CDH18: variants seen among roughly 807,000 people sequenced by gnomAD.
CDH18 encodes cadherin-18.
CDH18 carries 31 observed loss-of-function variants against 67.9 expected under a neutral mutation model. The observed-to-expected ratio is 0.46, with a 90% confidence interval of 0.34 to 0.62. The LOEUF is 0.62. CDH18 is among the 20% of genes least tolerant of loss of function. The probability of loss-of-function intolerance (pLI) is 0.01; values close to 1 mark genes in which losing one functional copy is unlikely to be tolerated. For synonymous variants in CDH18, 362 were observed against 347.2 expected, an observed-to-expected ratio of 1.04 and a Z score of -0.48; for missense variants, 890 against 975.5, an observed-to-expected ratio of 0.91 and a Z score of 1.17.
At chr5:20,185,401 T>C (rs1488819723) in intron 2 of CDH18, among the ~76,000 whole-genome samples, 1 of 152,068 alleles carries the variant, frequency 6.6e-6, no homozygotes, top group East Asian at 1.9e-4. Context: ...ACTTATATTA[T>C]GCCACTCTTG....
At chr5:20,301,789 C>CTTTTTTTTTTTTT (rs59276117) in intron 1 of CDH18, among the ~76,000 whole-genome samples, 21 of 128,132 alleles carry the variant, frequency 1.6e-4, no homozygotes, top group East Asian at 7.3e-4. Flanking sequence ...TTTCTTTTTT[C>CTTTTTTTTTTTTT]TTTTTTTTTT....
intron 2 of CDH18, among the ~76,000 whole-genome samples, chr5:20,180,017 A>C (rs922107940): frequency 5.9e-5 from 9 of 152,174 alleles, no homozygotes; most frequent in Non-Finnish European, 1.2e-4. Context: ...GCTCCTGATT[A>C]TTGTAAATAC....
chr5:19,502,807 A>G, intron 11 of CDH18, 185 bp downstream of exon 11: 1 of 585,052 alleles, frequency 1.7e-6, no homozygotes, highest in Non-Finnish European at 3.1e-6. Context: ...AAATTCAATG[A>G]AAGTTATTTG....
chr5:19,957,386 C>T (rs1312978801), intron 2 of CDH18, among the ~76,000 whole-genome samples: 1 of 150,950 alleles, frequency 6.6e-6, no homozygotes, highest in African/African-American at 2.4e-5. Flanking sequence ...ATATCATATA[C>T]ATAGAAGGAA....
At chr5:20,562,919 T>A (rs952629915) in intron 1 of CDH18, among the ~76,000 whole-genome samples, 16 of 151,852 alleles carry the variant, frequency 1.1e-4, no homozygotes, top group Non-Finnish European at 8.8e-5. Flanking sequence ...GCTGGTGTAT[T>A]TCTATCATTT....
intron 2 of CDH18, among the ~76,000 whole-genome samples, chr5:20,050,579 C>CA (rs1175727931): frequency 6.6e-6 from 1 of 151,816 alleles, no homozygotes; most frequent in African/African-American, 2.4e-5. Context: ...TAAAATGTTA[C>CA]AATCCAAAAT....
intron 1 of CDH18, among the ~76,000 whole-genome samples, chr5:19,984,297 T>A (rs896922266): frequency 6.6e-6 from 1 of 152,118 alleles, no homozygotes; most frequent in Non-Finnish European, 1.5e-5. Flanking sequence ...CAAGCATTAA[T>A]AATGGTTACT....
At chr5:19,945,531 T>C (rs1795209312) in intron 2 of CDH18, among the ~76,000 whole-genome samples, 1 of 152,100 alleles carries the variant, frequency 6.6e-6, no homozygotes, top group Admixed American at 6.6e-5. Flanking sequence ...GACAATCAAC[T>C]AACATCAATA....
intron 2 of CDH18, among the ~76,000 whole-genome samples, chr5:20,135,751 A>G (rs1749656166): frequency 6.6e-6 from 1 of 152,160 alleles, no homozygotes; most frequent in Admixed American, 6.5e-5. Flanking sequence ...TTCCCTCTAC[A>G]CACTGCTTTA....
intron 2 of CDH18, among the ~76,000 whole-genome samples, chr5:19,858,296 A>G (rs965616853): frequency 3.3e-5 from 5 of 152,172 alleles, no homozygotes; most frequent in Non-Finnish European, 5.9e-5. Flanking sequence ...TAAGATAATG[A>G]GTTGGGGATA....
At chr5:20,442,070 G>C (rs940204389) in intron 1 of CDH18, among the ~76,000 whole-genome samples, 2 of 151,882 alleles carry the variant, frequency 1.3e-5, no homozygotes, top group Non-Finnish European at 2.9e-5. Flanking sequence ...TAATTGCATA[G>C]TTAGTCCCTC....
Position 19,792,145 on chromosome 5 carries a change from TTTTTTTG to T in CDH18, c.229-44916_229-44910del, listed in dbSNP as rs1776426582. 2.0e-5 allele frequency among the ~76,000 whole-genome samples: 3 copies of T among 152,062 alleles called. No individual in the cohort carries two copies. The South Asian group carries it at 6.2e-4, about 31-fold the overall frequency. On this transcript the variant is annotated intron_variant, in intron 3 of 12. Coordinates refer to ENST00000382275, the MANE Select transcript of CDH18 (RefSeq NM_004934.5). ...ATTTCTAGATGTGTCTATGAGAATG[TTTTTTTG>T]AATTAGTAGATAGAGTAAAAAAGAT...
At chr5:20,077,775 A>G (rs1024142797) in intron 2 of CDH18, among the ~76,000 whole-genome samples, 7 of 152,188 alleles carry the variant, frequency 4.6e-5, no homozygotes, top group African/African-American at 1.7e-4. Context: ...ACATCTTACC[A>G]CACTTACCAT....
chr5:20,414,456 G>T (rs187378751), intron 1 of CDH18, among the ~76,000 whole-genome samples: 116 of 152,128 alleles, frequency 7.6e-4, no homozygotes, highest in Non-Finnish European at 1.4e-3. Context: ...ATAGACACTG[G>T]GCTTCCCAAA....
chr5:19,524,768 T>C (rs1055089954), intron 9 of CDH18, among the ~76,000 whole-genome samples: 1 of 152,056 alleles, frequency 6.6e-6, no homozygotes, highest in Non-Finnish European at 1.5e-5. Flanking sequence ...TTTTCTGAGA[T>C]GGAGTCTCGC....
chr5:19,557,528 A>G (rs1413678315), intron 8 of CDH18, among the ~76,000 whole-genome samples: 2 of 152,138 alleles, frequency 1.3e-5, no homozygotes, highest in Non-Finnish European at 2.9e-5. Flanking sequence ...CAGCAGTTAA[A>G]AAAGACAGAG....
chr5:19,773,061 T>G (rs968969222), intron 3 of CDH18, among the ~76,000 whole-genome samples: 1 of 152,192 alleles, frequency 6.6e-6, no homozygotes, highest in African/African-American at 2.4e-5. Flanking sequence ...TGATATAATT[T>G]TATATAGATA....
At chr5:20,021,562 T>C (rs970451780) in intron 2 of CDH18, among the ~76,000 whole-genome samples, 5 of 152,170 alleles carry the variant, frequency 3.3e-5, no homozygotes, top group Admixed American at 6.5e-5. Context: ...TGTTTAAAAC[T>C]GTGTGGCACC....
At position 20,525,404 on chromosome 5, in the gene CDH18, C is replaced by T. The variant is rs528300925; in HGVS notation, c.-580+50058G>A. Among the ~76,000 whole-genome samples, 5 of 152,072 alleles carry T rather than the reference C, an allele frequency of 3.3e-5. No homozygotes were observed. In the East Asian group the frequency reaches 5.8e-4, roughly 18 times the overall value. ...CTGTCCACATAGGACTTATGCAGGC[C>T]GCAGAATTTACAGGCTGAAAAGCAA... is the stretch of plus-strand genomic sequence containing the variant. On this transcript the variant is annotated intron_variant, in intron 1 of 14. Coordinates refer to the CDH18 transcript ENST00000507958.
Sources: gnomAD v4.1 joint callset for allele counts (sites outside exome capture counted in the v4.1 genomes callset) on GRCh38, gnomAD v4.1.1 for gene constraint, MANE v1.5 for transcripts, NCBI Gene and HGNC (gene_info 2026-07-23, HGNC 2026-07-21) for gene names.